ATG10: variants seen among roughly 807,000 people sequenced by gnomAD.
ATG10 encodes the protein ubiquitin-like-conjugating enzyme ATG10.
Under a neutral mutation model 32.1 loss-of-function variants are expected in ATG10, and 30 were observed. The ratio of observed to expected loss-of-function variants is 0.94; its 90% CI spans 0.70 to 1.27. The LOEUF (loss-of-function observed/expected upper bound fraction) is 1.27, where lower values mean the gene tolerates loss of function less well. ATG10 is among the 50% of genes most tolerant of loss of function. The pLI is 0.00. For synonymous variants in ATG10, 87 were observed against 91.5 expected (o/e 0.95, Z 0.28); for missense variants, 233 against 262.3 (o/e 0.89, Z 0.77).
intron 2 of ATG10, among the ~76,000 whole-genome samples, chr5:82,046,578 T>A (rs1763242825): frequency 6.6e-6 from 1 of 152,250 alleles, no homozygotes; most frequent in Non-Finnish European, 1.5e-5. Flanking sequence ...CACCAGTTTG[T>A]GGTACTTTGT....
intron 5 of ATG10, among the ~76,000 whole-genome samples, chr5:82,223,400 C>G (rs1040322911): frequency 6.6e-6 from 1 of 152,170 alleles, no homozygotes; most frequent in Non-Finnish European, 1.5e-5. Flanking sequence ...GGTTGGTTTA[C>G]TAAGTTGTGC....
intron 3 of ATG10, among the ~76,000 whole-genome samples, chr5:82,149,518 A>T (rs764597806): frequency 6.6e-6 from 1 of 151,990 alleles, no homozygotes; most frequent in Admixed American, 6.5e-5. Flanking sequence ...TTTATGTTAA[A>T]GTTAGGGCAT....
intron 5 of ATG10, among the ~76,000 whole-genome samples, chr5:82,190,531 G>C (rs569954645): frequency 6.6e-6 from 1 of 151,946 alleles, no homozygotes; most frequent in African/African-American, 2.4e-5. Flanking sequence ...CTAGCACTTT[G>C]GGAGGCCGAG....
chr5:82,018,986 A>C (rs1762366323), intron 2 of ATG10, among the ~76,000 whole-genome samples: 1 of 152,070 alleles, frequency 6.6e-6, no homozygotes, highest in Admixed American at 6.5e-5. Flanking sequence ...ATCTTTGTTT[A>C]ATTTGTTGAT....
At chr5:82,098,307 G>GTTT (rs1561297245) in intron 3 of ATG10, among the ~76,000 whole-genome samples, 1 of 141,162 alleles carries the variant, frequency 7.1e-6, no homozygotes, top group African/African-American at 2.6e-5. Context: ...ATTGTTGTTG[G>GTTT]GTTTTTTTTT....
chr5:82,249,628 A>G (rs1581849141), intron 5 of ATG10, among the ~76,000 whole-genome samples: 1 of 152,344 alleles, frequency 6.6e-6, no homozygotes, highest in African/African-American at 2.4e-5. Context: ...CCAGATGAGG[A>G]AACAGAGACG....
At chr5:82,139,738 A>C (rs1375045032) in intron 3 of ATG10, among the ~76,000 whole-genome samples, 1 of 115,844 alleles carries the variant, frequency 8.6e-6, no homozygotes, top group African/African-American at 3.5e-5. Context: ...CTGCCCGGCC[A>C]GCCGCCCCGT....
At chr5:82,127,683 G>C (rs1766337646) in intron 3 of ATG10, among the ~76,000 whole-genome samples, 1 of 152,084 alleles carries the variant, frequency 6.6e-6, no homozygotes, top group Non-Finnish European at 1.5e-5. Flanking sequence ...CATTTGCTGA[G>C]GAGTATTTTA....
chr5:82,042,886 G>T (rs28820290), intron 2 of ATG10, among the ~76,000 whole-genome samples: 1 of 152,078 alleles, frequency 6.6e-6, no homozygotes, highest in African/African-American at 2.4e-5. Flanking sequence ...TGCTTTCCCC[G>T]GCTGGTTTTG....
intron 3 of ATG10, among the ~76,000 whole-genome samples, chr5:82,129,051 A>G (rs1766400022): frequency 6.6e-6 from 1 of 150,522 alleles, no homozygotes; most frequent in African/African-American, 2.4e-5. Flanking sequence ...GAGGCTTTTC[A>G]TTCTTTTTCT....
At chr5:82,133,951 T>C (rs1188054346) in intron 3 of ATG10, among the ~76,000 whole-genome samples, 1 of 150,180 alleles carries the variant, frequency 6.7e-6, no homozygotes, top group African/African-American at 2.5e-5. Flanking sequence ...TTGTAAGTTG[T>C]ATTCCTAGGT....
intron 3 of ATG10, among the ~76,000 whole-genome samples, chr5:82,103,716 G>A (rs1277938812): frequency 6.6e-6 from 1 of 151,918 alleles, no homozygotes; most frequent in Non-Finnish European, 1.5e-5. Context: ...TATGCCTTGG[G>A]TGGGCTTCAG....
intron 3 of ATG10, among the ~76,000 whole-genome samples, chr5:82,110,336 A>G (rs927473417): frequency 7.2e-5 from 11 of 152,230 alleles, no homozygotes; most frequent in Middle Eastern, 6.8e-3. Context: ...GGCTGGGTCA[A>G]ATGGTATTTC....
Position 82,191,288 on chromosome 5 carries a change from T to G in ATG10, c.453+12701T>G, listed in dbSNP as rs565722265. Among the ~76,000 whole-genome samples, 3 of 152,324 alleles carry G rather than the reference T, an allele frequency of 2.0e-5. No homozygotes were observed. In the South Asian group the frequency reaches 6.2e-4, roughly 32 times the overall value. On this transcript the variant is annotated intron_variant, in intron 5 of 7. Transcript: ENST00000282185. ...TGGAGTAGTGGACCTACTGTCAGAA[T>G]TAAAGGGTCTGATTTATATTCTTGC...
At chr5:82,154,073 T>G (rs1713463496) in intron 3 of ATG10, among the ~76,000 whole-genome samples, 1 of 152,156 alleles carries the variant, frequency 6.6e-6, no homozygotes, top group Admixed American at 6.5e-5. Context: ...CTGCTGTGTA[T>G]TTCTGTACAG....
intron 2 of ATG10, among the ~76,000 whole-genome samples, chr5:82,021,963 C>T (rs1361184565): frequency 1.3e-5 from 2 of 149,510 alleles, no homozygotes; most frequent in Non-Finnish European, 3.0e-5. Flanking sequence ...GCAGAGGTTG[C>T]AGTGAACCGA....
At chr5:82,145,275 ATCATTTT>A (rs1767305618) in intron 3 of ATG10, among the ~76,000 whole-genome samples, 1 of 152,070 alleles carries the variant, frequency 6.6e-6, no homozygotes, top group Non-Finnish European at 1.5e-5. Flanking sequence ...ATTTAAGTCT[ATCATTTT>A]ATTAACTTTT....
intron 3 of ATG10, among the ~76,000 whole-genome samples, chr5:82,141,557 CATAA>C (rs1767139847): frequency 6.6e-6 from 1 of 151,394 alleles, no homozygotes; most frequent in South Asian, 2.1e-4. Flanking sequence ...AAGTATCAGT[CATAA>C]TATACCCAGA....
At chr5:82,009,359 CAGAA>C (rs893300295) in intron 2 of ATG10, among the ~76,000 whole-genome samples, 18 of 152,004 alleles carry the variant, frequency 1.2e-4, no homozygotes, top group Middle Eastern at 3.4e-3. Flanking sequence ...ATCTTTAACT[CAGAA>C]AGAGTTTTCT....
Sources: allele counts gnomAD v4.1 joint callset (sites outside exome capture counted in the v4.1 genomes callset), GRCh38; gene constraint gnomAD v4.1.1; transcripts MANE v1.5; gene names NCBI Gene and HGNC (gene_info 2026-07-23, HGNC 2026-07-21).